The following CLEC16A variants were observed in gnomAD, a reference collection of about 807,000 sequenced individuals.
CLEC16A encodes C-type lectin domain containing 16A, also known as protein CLEC16A.
CLEC16A carries 51 observed loss-of-function variants against 109.5 expected under a neutral mutation model. That is an observed-to-expected ratio of 0.47 (90% confidence interval 0.37 to 0.59). CLEC16A has a LOEUF of 0.59. CLEC16A is among the 20% of genes least tolerant of loss of function. The probability of loss-of-function intolerance (pLI) is 0.00; values close to 1 mark genes in which losing one functional copy is unlikely to be tolerated. For missense variants in CLEC16A, 1,339 were observed against 1,394.0 expected, an observed-to-expected ratio of 0.96 and a Z score of 0.63; for synonymous variants, 673 against 564.2, an observed-to-expected ratio of 1.19 and a Z score of -2.73.
chr16:11,049,482 G>T (rs891730035), intron 17 of CLEC16A, among the ~76,000 whole-genome samples: 3 of 151,152 alleles, frequency 2.0e-5, no homozygotes, highest in East Asian at 1.9e-4. Flanking sequence ...AGGTTTTTTT[G>T]TTTGTTTGTT....
At chr16:11,130,517 A>G (rs2053132834) in intron 22 of CLEC16A, among the ~76,000 whole-genome samples, 1 of 152,170 alleles carries the variant, frequency 6.6e-6, no homozygotes, top group Non-Finnish European at 1.5e-5. Flanking sequence ...TATCAACTGA[A>G]TTTCACCACC....
At chr16:11,128,590 C>G (rs1194125447) in intron 22 of CLEC16A, among the ~76,000 whole-genome samples, 2 of 152,202 alleles carry the variant, frequency 1.3e-5, no homozygotes, top group South Asian at 2.1e-4. Context: ...ATCACACCAC[C>G]CCCGCAAAGA....
rs1336934282 is a variant in CLEC16A at position 10,977,371 on chromosome 16, A to G, written c.875A>G (p.Tyr292Cys). Reference protein sequence around the residue: ...HLLNRLFLPLYVYSLENQDKG... With the variant: ...HLLNRLFLPLCVYSLENQDKG... The stretch of plus-strand genomic sequence containing the variant: ...CTCAACAGGCTCTTCCTGCCCCTCT[A>G]CGTGTACTCACTGGAGAACCAGGAC... Residue 292 changes from tyrosine to cysteine, a missense_variant, in exon 8 of 24, where the codon TAC becomes TGC. By Grantham distance (194) the Tyr-to-Cys change is radical. Coordinates refer to ENST00000409790, the MANE Select transcript of CLEC16A (RefSeq NM_015226.3). 6.2e-7 allele frequency: 1 copy of G among 1,613,702 alleles called. No individual in the cohort carries two copies. The highest frequency in any genetic ancestry group is 1.1e-5 in the South Asian group (1 of 91,030).
At position 10,962,644 on chromosome 16, in the gene CLEC16A, G is replaced by A. The variant is rs1310709254; in HGVS notation, c.343+56G>A. The A allele has an allele frequency of 1.9e-6, 3 of 1,590,846 alleles. No individual in the cohort carries two copies. The African/African-American group carries it at 4.1e-5, about 22-fold the overall frequency. On this transcript the variant is annotated intron_variant, in intron 3 of 23. Coordinates refer to ENST00000409790, the MANE Select transcript of CLEC16A (RefSeq NM_015226.3). ...GCTGCTGTGCATGTAGCAGGGTGAA[G>A]TTGGGCGTGGTTTTCTGTGTCTGCG...
At chr16:11,122,403 T>G (rs1941655580) in intron 20 of CLEC16A, among the ~76,000 whole-genome samples, 1 of 152,234 alleles carries the variant, frequency 6.6e-6, no homozygotes, top group Non-Finnish European at 1.5e-5. Context: ...CCTTTAGAAT[T>G]TAGTGTCAGG....
At chr16:11,038,827 A>G (rs1049802245) in intron 13 of CLEC16A, among the ~76,000 whole-genome samples, 2 of 152,126 alleles carry the variant, frequency 1.3e-5, no homozygotes, top group Non-Finnish European at 2.9e-5. Context: ...TGCCAACCTA[A>G]TATGTGCACC....
intron 22 of CLEC16A, among the ~76,000 whole-genome samples, chr16:11,132,204 C>T (rs889849257): frequency 2.0e-5 from 3 of 151,500 alleles, no homozygotes; most frequent in African/African-American, 7.3e-5. Flanking sequence ...AAAGAAAACC[C>T]CATAGCCATT....
chr16:11,123,972 A>T (rs572559630), intron 21 of CLEC16A, 26 bp downstream of exon 21: 17 of 1,568,888 alleles, frequency 1.1e-5, no homozygotes, highest in Admixed American at 5.6e-5. Context: ...CTGGCAGGGC[A>T]TCCTCTGAGC....
intron 14 of CLEC16A, chr16:11,041,453 G>A (rs1597165451): frequency 6.6e-6 from 1 of 152,336 alleles, no homozygotes; most frequent in East Asian, 1.9e-4. Flanking sequence ...GGCTCAAACA[G>A]TATTTTTCTA....
At chr16:11,060,621 C>A (rs536741433) in intron 18 of CLEC16A, among the ~76,000 whole-genome samples, 13 of 152,270 alleles carry the variant, frequency 8.5e-5, no homozygotes, top group Admixed American at 3.9e-4. Context: ...TCACCTGATA[C>A]TTGGGGACAA....
intron 22 of CLEC16A, among the ~76,000 whole-genome samples, chr16:11,138,016 C>A (rs572545038): frequency 1.3e-5 from 2 of 152,284 alleles, no homozygotes; most frequent in South Asian, 2.1e-4. Context: ...CTCTTCAAAG[C>A]ACGGCAGCTC....
chr16:11,177,823 T>C (rs1368167839), intron 23 of CLEC16A, among the ~76,000 whole-genome samples: 3 of 151,344 alleles, frequency 2.0e-5, no homozygotes, highest in African/African-American at 7.3e-5. Flanking sequence ...TGTTTTGGTT[T>C]TGCAAGCTGA....
At chr16:10,967,428 C>T (rs1271067212) in intron 3 of CLEC16A, among the ~76,000 whole-genome samples, 1 of 152,158 alleles carries the variant, frequency 6.6e-6, no homozygotes, top group Admixed American at 6.5e-5. Context: ...AGAGACAGGT[C>T]TCACCCTGTC....
At chr16:11,085,804 C>T (rs1303175024) in intron 19 of CLEC16A, among the ~76,000 whole-genome samples, 1 of 152,208 alleles carries the variant, frequency 6.6e-6, no homozygotes, top group African/African-American at 2.4e-5. Context: ...GTTGCCCAGG[C>T]TAGTCTCAAA....
chr16:10,990,949 G>T (rs2043969877), intron 10 of CLEC16A, among the ~76,000 whole-genome samples: 1 of 152,146 alleles, frequency 6.6e-6, no homozygotes, highest in Non-Finnish European at 1.5e-5. Flanking sequence ...GTTACCTGAA[G>T]CCAGGTCAGT....
At chr16:11,058,104 C>G (rs1380823619) in intron 18 of CLEC16A, among the ~76,000 whole-genome samples, 1 of 152,216 alleles carries the variant, frequency 6.6e-6, no homozygotes, top group Admixed American at 6.5e-5. Flanking sequence ...CCCTTATAAC[C>G]CCCCTACCCC....
chr16:11,132,804 A>G (rs181943426), intron 22 of CLEC16A, among the ~76,000 whole-genome samples: 1 of 152,246 alleles, frequency 6.6e-6, no homozygotes, highest in East Asian at 1.9e-4. Flanking sequence ...GATGCCTATG[A>G]AGTAGTTGCT....
Position 11,009,161 on chromosome 16 carries a change from G to A in CLEC16A, c.1303+5856G>A, listed in dbSNP as rs143929599. ...TTTATGGGTTTGACTGCTCTAGGTCGTTTATTCAAATGGAATCATACAGTA... is the reference window on the plus strand; with the variant it reads ...TTTATGGGTTTGACTGCTCTAGGTCATTTATTCAAATGGAATCATACAGTA... On this transcript the variant is annotated intron_variant, in intron 11 of 23. Coordinates refer to ENST00000409790, the MANE Select transcript of CLEC16A (RefSeq NM_015226.3). Among the ~76,000 whole-genome samples the A allele has an allele frequency of 4.0e-3, 604 of 152,214 alleles. 8 individuals carry two copies. Among genetic ancestry groups the A allele is most frequent in the African/African-American group, 0.014 (583 of 41,520 alleles).
At position 11,178,975 on chromosome 16, in the gene CLEC16A, C is replaced by G. The variant is rs1280987997; in HGVS notation, c.*285C>G. 1 of 378,858 alleles carries G rather than the reference C, an allele frequency of 2.6e-6. No homozygotes were observed. Among genetic ancestry groups the G allele is most frequent in the Non-Finnish European group, 4.7e-6 (1 of 212,552 alleles). 23.5% of individuals were successfully genotyped at this position (378,858 alleles called of 1,614,324 possible). ...AGGGAGCTGCCTGGGCTCCGTGTCTCTGAGCCCCGGGTGGCAGGACCCACC... is the reference window on the plus strand; with the variant it reads ...AGGGAGCTGCCTGGGCTCCGTGTCTGTGAGCCCCGGGTGGCAGGACCCACC... On this transcript the variant is annotated 3_prime_UTR_variant, in exon 24 of 24. Transcript: ENST00000409790. The surrounding 1 kb of genome is among the most constrained non-coding windows in gnomAD (Gnocchi z 6.5).
Sources: gnomAD v4.1 joint callset for allele counts (sites outside exome capture counted in the v4.1 genomes callset) on GRCh38, gnomAD v4.1.1 for gene constraint, Gnocchi (gnomAD v3.1) non-coding constraint, MANE v1.5 for transcripts, NCBI Gene and HGNC (gene_info 2026-07-23, HGNC 2026-07-21) for gene names.